Variants in RTCA observed in about 807,000 individuals in gnomAD.
RTCA encodes RNA 3'-terminal phosphate cyclase, also known as RNA terminal phosphate cyclase domain 1.
In RTCA, 37 loss-of-function variants were observed where a neutral mutation model predicts 46.1. The ratio of observed to expected loss-of-function variants is 0.80; its 90% CI spans 0.62 to 1.06. The LOEUF is 1.06. Ranked by LOEUF, RTCA falls within the 50% of genes least tolerant of loss-of-function variation. The pLI, the probability that RTCA is intolerant of heterozygous loss-of-function variation, is 0.00. For synonymous variants in RTCA, 164 were observed against 158.3 expected (o/e 1.04, Z -0.27); for missense variants, 435 against 455.5 (o/e 0.95, Z 0.41).
At chr1:100,279,510 A>G (rs948869829) in intron 8 of RTCA, among the ~76,000 whole-genome samples, 2 of 152,188 alleles carry the variant, frequency 1.3e-5, no homozygotes, top group Admixed American at 6.5e-5. Context: ...GTGAGGTGGC[A>G]TGCAGCTTTA....
intron 3 of RTCA, among the ~76,000 whole-genome samples, chr1:100,270,201 G>A (rs571144839): frequency 8.3e-4 from 16 of 19,232 alleles, no homozygotes; most frequent in African/African-American, 9.7e-4. Flanking sequence ...TAAAACTTTT[G>A]AAGAAGGTTT....
intron 4 of RTCA, among the ~76,000 whole-genome samples, chr1:100,272,295 C>T (rs1370148609): frequency 2.0e-5 from 3 of 152,108 alleles, no homozygotes; most frequent in Admixed American, 6.6e-5. Flanking sequence ...ATGAGAGTTC[C>T]AGCTGAAGTG....
intron 7 of RTCA, among the ~76,000 whole-genome samples, chr1:100,276,370 CA>C (rs2100799393): frequency 6.6e-6 from 1 of 152,178 alleles, no homozygotes; most frequent in African/African-American, 2.4e-5. Context: ...ATAAATATAG[CA>C]AAGAGCTTTT....
intron 2 of RTCA, chr1:100,267,603 A>T (rs761962689): frequency 3.4e-6 from 5 of 1,485,060 alleles, no homozygotes; most frequent in Non-Finnish European, 4.5e-6. Flanking sequence ...GCCTCTTCAC[A>T]TGGTGGTTCC....
At chr1:100,281,390 G>T in intron 8 of RTCA, 1 of 496,350 alleles carries the variant, frequency 2.0e-6, no homozygotes. Flanking sequence ...ATCATGCATA[G>T]TGACTCTGGG....
At chr1:100,280,720 G>A (rs1666663138) in intron 8 of RTCA, among the ~76,000 whole-genome samples, 1 of 152,182 alleles carries the variant, frequency 6.6e-6, no homozygotes, top group South Asian at 2.1e-4. Flanking sequence ...TGGATTTAGG[G>A]GCTGGGTGTG....
chr1:100,274,537 A>G (rs992108461), intron 5 of RTCA, among the ~76,000 whole-genome samples: 2 of 152,198 alleles, frequency 1.3e-5, no homozygotes, highest in Non-Finnish European at 2.9e-5. Flanking sequence ...TCACTAGCCA[A>G]ATGTGACTAT....
chr1:100,289,193 A>G (rs1667216528), intron 10 of RTCA, among the ~76,000 whole-genome samples: 1 of 151,748 alleles, frequency 6.6e-6, no homozygotes, highest in South Asian at 2.1e-4. Flanking sequence ...CAATGGCAGT[A>G]TCATAGCTCA....
At chr1:100,269,732 A>T (rs1352309041) in intron 3 of RTCA, among the ~76,000 whole-genome samples, 2 of 152,142 alleles carry the variant, frequency 1.3e-5, no homozygotes, top group Non-Finnish European at 2.9e-5. Flanking sequence ...GGTTTGTCAC[A>T]TATGTACACA....
At chr1:100,289,717 A>G (rs1667247892) in intron 10 of RTCA, among the ~76,000 whole-genome samples, 1 of 152,100 alleles carries the variant, frequency 6.6e-6, no homozygotes, top group South Asian at 2.1e-4. Context: ...CTTACTTGTT[A>G]TTTGAAATGT....
rs60769349 is a variant in RTCA, at chr1:100,279,614, A to T, written c.799+2298A>T. Among the ~76,000 whole-genome samples the T allele has an allele frequency of 8.0e-3, 1,182 of 147,682 alleles. 15 individuals are homozygous for T. Among genetic ancestry groups the T allele is most frequent in the African/African-American group, 0.028 (1,124 of 40,552 alleles). On this transcript the variant is annotated intron_variant, in intron 8 of 10. Transcript: ENST00000370128. Reference sequence around the variant, plus strand: ...ACATGGCAAGATTCCATCTCTTAAAATTTTTTTTTTTTTAAGTAGCCCCAT... The same window carrying T: ...ACATGGCAAGATTCCATCTCTTAAATTTTTTTTTTTTTTAAGTAGCCCCAT...
intron 8 of RTCA, among the ~76,000 whole-genome samples, chr1:100,281,802 C>T (rs949704694): frequency 3.3e-5 from 5 of 151,940 alleles, no homozygotes; most frequent in Admixed American, 6.6e-5. Context: ...CTGCAACCTC[C>T]GCCTCCTGTG....
In RTCA at chr1:100,266,226, G is replaced by C; in HGVS notation, c.-150G>C. 5 of 903,922 alleles carry C rather than the reference G, an allele frequency of 5.5e-6. No homozygotes were observed. In the South Asian group the frequency reaches 8.5e-5, roughly 15 times the overall value. The allele number at this position is 903,922 out of a possible 1,614,324, so 56.0% of individuals were successfully genotyped here. On this transcript the variant is annotated 5_prime_UTR_variant, in exon 1 of 11. Coordinates refer to ENST00000370128, the MANE Select transcript of RTCA (RefSeq NM_003729.4). ...GTTTCTGCTGACTCCAGTGTCCCGA[G>C]AGGCGCCGCTTCTTCCGCTTTCTCG... is the stretch of plus-strand genomic sequence containing the variant.
chr1:100,272,346 T>C (rs1183552565), intron 4 of RTCA, among the ~76,000 whole-genome samples: 1 of 152,122 alleles, frequency 6.6e-6, no homozygotes, highest in Non-Finnish European at 1.5e-5. Context: ...TATTTAATAC[T>C]TGGTAGGGTG....
chr1:100,270,035 C>A (rs12029635), intron 3 of RTCA, among the ~76,000 whole-genome samples: 109,530 of 152,076 alleles, frequency 0.72, 42,994 homozygotes, highest in East Asian at 0.94. Context: ...TTTATGGCTG[C>A]GTAAAATATT....
chr1:100,280,998 G>A (rs1379335479), intron 8 of RTCA, among the ~76,000 whole-genome samples: 1 of 152,128 alleles, frequency 6.6e-6, no homozygotes, highest in East Asian at 1.9e-4. Flanking sequence ...GATAGAGCAA[G>A]ACCCTGTCTC....
intron 9 of RTCA, 52 bp from the exon 10 acceptor site, chr1:100,287,047 A>C: frequency 7.8e-7 from 1 of 1,279,280 alleles, no homozygotes; most frequent in South Asian, 1.5e-5. Context: ...TGGAATTATA[A>C]TGCCAAATAT....
intron 8 of RTCA, among the ~76,000 whole-genome samples, chr1:100,281,514 G>T (rs563795365): frequency 6.6e-5 from 10 of 152,226 alleles, no homozygotes; most frequent in African/African-American, 1.9e-4. Flanking sequence ...TTCCATTGTT[G>T]CGTATCTGTG....
At chr1:100,281,012 AAAAT>A (rs373795699) in intron 8 of RTCA, among the ~76,000 whole-genome samples, 4 of 152,332 alleles carry the variant, frequency 2.6e-5, no homozygotes, top group African/African-American at 9.6e-5. Flanking sequence ...CTGTCTCAAA[AAAAT>A]AAAACAAAAC....
Sources: allele counts gnomAD v4.1 joint callset (sites outside exome capture counted in the v4.1 genomes callset), GRCh38; gene constraint gnomAD v4.1.1; transcripts MANE v1.5; gene names NCBI Gene and HGNC (gene_info 2026-07-23, HGNC 2026-07-21).